RWDD1: variants seen among roughly 807,000 people sequenced by gnomAD.
RWDD1 encodes the protein RWD domain containing 1.
In RWDD1, 17 loss-of-function variants were observed where a neutral mutation model predicts 31.6. The ratio of observed to expected loss-of-function variants is 0.54; its 90% confidence interval spans 0.37 to 0.81. The LOEUF (loss-of-function observed/expected upper bound fraction) is 0.81. Ranked by LOEUF, RWDD1 falls within the 30% of genes least tolerant of loss-of-function variation. RWDD1 has a pLI of 0.00. For synonymous variants in RWDD1, 78 were observed against 94.2 expected, an observed-to-expected ratio of 0.83 and a Z score of 0.99; for missense variants, 204 against 274.5, an observed-to-expected ratio of 0.74 and a Z score of 1.82.
intron 1 of RWDD1, 65 bp from the exon 2 acceptor site, chr6:116,580,230 G>A: frequency 1.7e-6 from 2 of 1,186,514 alleles, no homozygotes; most frequent in South Asian, 1.4e-5. Flanking sequence ...CTGATAATTT[G>A]CTAATAAGGA....
intron 5 of RWDD1, 42 bp downstream of exon 5, chr6:116,590,446 G>C: frequency 6.6e-7 from 1 of 1,510,008 alleles, no homozygotes; most frequent in South Asian, 1.4e-5. Flanking sequence ...AAACCCTCCT[G>C]TATCATTTTT....
In RWDD1 at chr6:116,590,337, A is replaced by G. The variant is rs765729124; in HGVS notation, c.480A>G (p.Ala160=). ...NFLNWKAKFD[A]ELLEIKKKRM... Reference sequence around the variant, plus strand: ...TAAATTGGAAAGCCAAGTTTGATGCAGAACTCTTGGAAATTAAAAAGAAAA... The same window carrying G: ...TAAATTGGAAAGCCAAGTTTGATGCGGAACTCTTGGAAATTAAAAAGAAAA... Residue 160 remains alanine, a synonymous_variant, in exon 5 of 7, where the codon GCA becomes GCG. Coordinates refer to ENST00000466444, the MANE Select transcript of RWDD1 (RefSeq NM_015952.4). 2.5e-6 allele frequency: 4 copies of G among 1,603,720 alleles called. No homozygotes were observed. The highest frequency in any genetic ancestry group is 3.4e-6 in the Non-Finnish European group (4 of 1,176,568).
At chr6:116,584,641 A>G (rs1775007149) in intron 2 of RWDD1, 86 bp from the exon 3 acceptor site, 7 of 1,186,300 alleles carry the variant, frequency 5.9e-6, no homozygotes, top group Admixed American at 2.1e-5. Flanking sequence ...AGGAAAATCT[A>G]TTGTGCTACT....
rs995914425 is a variant in RWDD1, at chr6:116,597,404, A to C, written c.*4303A>C. ...AATACTTCCTAGACCTTCCTCTTAT[A>C]GCTATTGCCTATCTCTGCCTTTGCA... On this transcript the variant is annotated 3_prime_UTR_variant, in exon 7 of 7. Transcript: ENST00000466444. 14 of 152,180 alleles carry C rather than the reference A, an allele frequency of 9.2e-5. No homozygotes were observed. Among genetic ancestry groups the C allele is most frequent in the Non-Finnish European group, 1.3e-4 (9 of 68,036 alleles). 9.4% of individuals were successfully genotyped at this position (152,180 alleles called of 1,614,324 possible).
At chr6:116,573,287 A>C (rs1774779265) in intron 1 of RWDD1, among the ~76,000 whole-genome samples, 1 of 152,190 alleles carries the variant, frequency 6.6e-6, no homozygotes, top group Non-Finnish European at 1.5e-5. Flanking sequence ...AAATTGTACT[A>C]GGCCCTGACA....
At chr6:116,587,367 G>A (rs4945561) in intron 3 of RWDD1, among the ~76,000 whole-genome samples, 151,847 of 152,310 alleles carry the variant, frequency 1, 75,698 homozygotes, top group Middle Eastern at 1. Context: ...GAATTTCAGG[G>A]TAGAGGAACC....
intron 2 of RWDD1, among the ~76,000 whole-genome samples, chr6:116,583,295 T>C (rs1015160747): frequency 1.3e-5 from 2 of 152,152 alleles, no homozygotes; most frequent in African/African-American, 4.8e-5. Flanking sequence ...TTTTCCTTTG[T>C]CTCAAGATAT....
chr6:116,580,271 AC>A, intron 1 of RWDD1, 23 bp from the exon 2 acceptor site: 1 of 1,551,654 alleles, frequency 6.4e-7, no homozygotes, highest in South Asian at 1.2e-5. Flanking sequence ...CATTTCAATA[AC>A]TTCTGTGTGT....
chr6:116,584,521 G>T (rs1251885225), intron 2 of RWDD1, among the ~76,000 whole-genome samples: 1 of 152,210 alleles, frequency 6.6e-6, no homozygotes, highest in African/African-American at 2.4e-5. Flanking sequence ...TGCTTCACGT[G>T]TAAGTGTGAT....
At chr6:116,578,265 A>C (rs1184884407) in intron 1 of RWDD1, among the ~76,000 whole-genome samples, 1 of 152,174 alleles carries the variant, frequency 6.6e-6, no homozygotes, top group African/African-American at 2.4e-5. Flanking sequence ...TTTTCTTATA[A>C]TCAGTTACAT....
chr6:116,587,900 G>T (rs1331921799), intron 3 of RWDD1, among the ~76,000 whole-genome samples: 1 of 152,074 alleles, frequency 6.6e-6, no homozygotes, highest in Non-Finnish European at 1.5e-5. Context: ...GATGGGATGG[G>T]GATGTTCAGG....
intron 2 of RWDD1, among the ~76,000 whole-genome samples, chr6:116,580,627 A>G (rs1414173965): frequency 1.3e-5 from 2 of 152,142 alleles, no homozygotes; most frequent in African/African-American, 2.4e-5. Flanking sequence ...AGATGAAAAA[A>G]GGTAGGAAAC....
rs1345377787 is a variant in RWDD1 at position 116,597,336 on chromosome 6, C to T, written c.*4235C>T. On this transcript the variant is annotated 3_prime_UTR_variant, in exon 7 of 7. Coordinates refer to ENST00000466444, the MANE Select transcript of RWDD1 (RefSeq NM_015952.4). ...AATTGTTATATTTAGTTTTGTTCTTCCACCTTTTGGCTATTTCTACTACAT... is the reference window on the plus strand; with the variant it reads ...AATTGTTATATTTAGTTTTGTTCTTTCACCTTTTGGCTATTTCTACTACAT... 6.6e-6 allele frequency: 1 copy of T among 152,132 alleles called. No individual in the cohort carries two copies. The highest frequency in any genetic ancestry group is 6.5e-5 in the Admixed American group (1 of 15,272). 9.4% of individuals were successfully genotyped at this position (152,132 alleles called of 1,614,324 possible). A position where few individuals can be genotyped will look rare whatever the true frequency, so the allele number is the denominator to read the frequency against.
rs532266866 is a variant in RWDD1 at position 116,597,284 on chromosome 6, C to T, written c.*4183C>T. 3.9e-5 allele frequency: 6 copies of T among 152,192 alleles called. No individual in the cohort carries two copies. Among genetic ancestry groups the T allele is most frequent in the Non-Finnish European group, 8.8e-5 (6 of 68,032 alleles). The allele number at this position is 152,192 out of a possible 1,614,324, so 9.4% of individuals were successfully genotyped here. On this transcript the variant is annotated 3_prime_UTR_variant, in exon 7 of 7. Coordinates refer to ENST00000466444, the MANE Select transcript of RWDD1 (RefSeq NM_015952.4). ...CCACCAAAGCTTTTTAATTTCCTTA[C>T]ATAATTAACATGATGAATTTTTAAA... is the stretch of plus-strand genomic sequence containing the variant.
In RWDD1 at chr6:116,595,896, T is replaced by C. The variant is rs539581479; in HGVS notation, c.*2795T>C. 5.9e-5 allele frequency: 9 copies of C among 152,280 alleles called. No individual in the cohort carries two copies. Among genetic ancestry groups the C allele is most frequent in the Non-Finnish European group, 1.2e-4 (8 of 68,008 alleles). The allele number at this position is 152,280 out of a possible 1,614,324, so 9.4% of individuals were successfully genotyped here. ...GATCTAAGGCAACACGTCTAAATGG[T>C]TATGTGAACATTTCCCAGTTGGGGT... On this transcript the variant is annotated 3_prime_UTR_variant, in exon 7 of 7. Coordinates refer to ENST00000466444, the MANE Select transcript of RWDD1 (RefSeq NM_015952.4).
chr6:116,591,054 A>C lies in RWDD1; in HGVS notation c.610+104A>C, dbSNP rs969776594. 7.7e-6 allele frequency: 11 copies of C among 1,423,864 alleles called. No individual in the cohort carries two copies. The African/African-American group carries it at 1.6e-4, about 21-fold the overall frequency. 88.2% of individuals were successfully genotyped at this position (1,423,864 alleles called of 1,614,324 possible). ...GGCAGGAGGATTGCTTGAGCCCAGGAGTTTGAGACCAGACTGGGCAACATA... is the reference window on the plus strand; with the variant it reads ...GGCAGGAGGATTGCTTGAGCCCAGGCGTTTGAGACCAGACTGGGCAACATA... On this transcript the variant is annotated intron_variant, in intron 6 of 6. Transcript: ENST00000466444.
At chr6:116,573,432 G>A (rs567267906) in intron 1 of RWDD1, among the ~76,000 whole-genome samples, 1 of 152,156 alleles carries the variant, frequency 6.6e-6, no homozygotes, top group Non-Finnish European at 1.5e-5. Flanking sequence ...TGAGCCATCT[G>A]TCTCTAACTC....
At position 116,588,980 on chromosome 6, in the gene RWDD1, GA is replaced by G; in HGVS notation, c.413del (p.Lys138SerfsTer15). 7.2e-7 allele frequency: 1 copy of G among 1,380,908 alleles called. No individual in the cohort carries two copies. The highest frequency in any genetic ancestry group is 1.9e-5 in the South Asian group (1 of 53,512). 85.5% of individuals were successfully genotyped at this position (1,380,908 alleles called of 1,614,324 possible). A position where few individuals can be genotyped will look rare whatever the true frequency, so the allele number is the denominator to read the frequency against. On this transcript the variant is annotated frameshift_variant, in exon 4 of 7. Transcript: ENST00000466444. LOFTEE classifies it high-confidence loss of function. ...KQKEKEAEEA[E>X]KQLFHGTPVT... is the part of the protein sequence containing the mutation. ...AAAAGAAAAAGAAGCAGAAGAAGCT[GA>G]AAAGGTATATTTAAAAGCCTTGTTT... is the stretch of plus-strand genomic sequence containing the variant.
rs1307897394 is a variant in RWDD1 at position 116,594,429 on chromosome 6, A to C, written c.*1328A>C. The C allele has an allele frequency of 6.6e-6, 1 of 152,190 alleles. No homozygotes were observed. The highest frequency in any genetic ancestry group is 1.5e-5 in the Non-Finnish European group (1 of 68,012). 9.4% of individuals were successfully genotyped at this position (152,190 alleles called of 1,614,324 possible). Reference sequence around the variant, plus strand: ...CCTAGGCCCCTCTCAAGTTAGATTTATGAACACTGATCCCCAGTCTGAATT... The same window carrying C: ...CCTAGGCCCCTCTCAAGTTAGATTTCTGAACACTGATCCCCAGTCTGAATT... On this transcript the variant is annotated 3_prime_UTR_variant, in exon 7 of 7. Coordinates refer to ENST00000466444, the MANE Select transcript of RWDD1 (RefSeq NM_015952.4).
Sources: gnomAD v4.1 joint callset for allele counts (sites outside exome capture counted in the v4.1 genomes callset) on GRCh38, gnomAD v4.1.1 for gene constraint, MANE v1.5 for transcripts, NCBI Gene and HGNC (gene_info 2026-07-23, HGNC 2026-07-21) for gene names.